Variants in PBRM1 observed in about 807,000 individuals in gnomAD.
PBRM1 encodes the protein protein polybromo-1.
Under a neutral mutation model 194.5 loss-of-function variants are expected in PBRM1, and 27 were observed. The observed-to-expected ratio is 0.14, with a 90% CI of 0.10 to 0.19. The LOEUF is 0.19. Among genes scored for constraint, PBRM1 ranks in the 10% least tolerant of loss-of-function variants. The pLI is 1.00. For synonymous variants in PBRM1, 655 were observed against 693.2 expected (o/e 0.94, Z 0.87); for missense variants, 1,466 against 2,077.2 (o/e 0.71, Z 5.72).
intron 3 of PBRM1, among the ~76,000 whole-genome samples, chr3:52,663,791 G>A (rs2096773508): frequency 6.6e-6 from 1 of 151,534 alleles, no homozygotes; most frequent in African/African-American, 2.4e-5. Context: ...CAGGCGTGGT[G>A]GCTCACGCCT....
intron 2 of PBRM1, among the ~76,000 whole-genome samples, chr3:52,674,290 T>C (rs1005811687): frequency 1.3e-5 from 2 of 151,486 alleles, no homozygotes; most frequent in Non-Finnish European, 2.9e-5. Context: ...GAGACCAGCC[T>C]GACCAACATA....
At chr3:52,651,689 C>A in intron 6 of PBRM1, 53 bp downstream of exon 7, 1 of 1,028,548 alleles carries the variant, frequency 9.7e-7, no homozygotes, top group Non-Finnish European at 1.5e-6. Context: ...TAGGAAAGAT[C>A]ATAGGCCAAT....
intron 27 of PBRM1, among the ~76,000 whole-genome samples, chr3:52,553,708 C>T (rs1444235982): frequency 6.9e-6 from 1 of 144,346 alleles, no homozygotes; most frequent in East Asian, 2.0e-4. Context: ...GTCGCCCAGG[C>T]TGGAGTGTAG....
intron 15 of PBRM1, among the ~76,000 whole-genome samples, chr3:52,611,532 T>C (rs1469105990): frequency 6.6e-6 from 1 of 152,104 alleles, no homozygotes; most frequent in African/African-American, 2.4e-5. Context: ...GGCCAGGAGC[T>C]GTGGCTCATG....
chr3:52,663,433 A>C (rs2096766838), intron 3 of PBRM1, among the ~76,000 whole-genome samples: 1 of 152,204 alleles, frequency 6.6e-6, no homozygotes, highest in African/African-American at 2.4e-5. Context: ...CACTGAGAGG[A>C]GAGGAGAGGC....
chr3:52,560,879 G>A (rs2083360721), intron 25 of PBRM1, among the ~76,000 whole-genome samples: 1 of 151,684 alleles, frequency 6.6e-6, no homozygotes, highest in South Asian at 2.1e-4. Context: ...AAAAGGGGCA[G>A]CCTAAATAAT....
chr3:52,569,465 T>A (rs1490465454), intron 22 of PBRM1, among the ~76,000 whole-genome samples: 1 of 151,924 alleles, frequency 6.6e-6, no homozygotes, highest in Non-Finnish European at 1.5e-5. Flanking sequence ...CCGCCTTGGC[T>A]TCCCAAAGTG....
At chr3:52,629,549 G>T (rs1428830136) in intron 11 of PBRM1, among the ~76,000 whole-genome samples, 3 of 152,214 alleles carry the variant, frequency 2.0e-5, no homozygotes, top group African/African-American at 4.8e-5. Context: ...GATGGTAAAA[G>T]AGAGATAGAT....
intron 10 of PBRM1, among the ~76,000 whole-genome samples, chr3:52,641,545 T>C (rs1372039761): frequency 6.7e-6 from 1 of 148,594 alleles, no homozygotes; most frequent in Non-Finnish European, 1.5e-5. Flanking sequence ...AAAAAATCTA[T>C]AGTAAAGGGG....
At chr3:52,654,567 C>G (rs2096571822) in intron 5 of PBRM1, among the ~76,000 whole-genome samples, 1 of 152,142 alleles carries the variant, frequency 6.6e-6, no homozygotes, top group South Asian at 2.1e-4. Flanking sequence ...AACTGTCACA[C>G]CCTGAGAGAC....
chr3:52,652,405 T>C (rs550123619), intron 5 of PBRM1, among the ~76,000 whole-genome samples: 25 of 137,646 alleles, frequency 1.8e-4, no homozygotes, highest in Admixed American at 1.7e-3. Flanking sequence ...AAAAAAATTC[T>C]AGGCAGGGCA....
intron 25 of PBRM1, among the ~76,000 whole-genome samples, chr3:52,561,163 A>C (rs577259705): frequency 1.6e-4 from 24 of 152,358 alleles, no homozygotes; most frequent in Non-Finnish European, 2.9e-5. Context: ...ATGGCTAAGA[A>C]CCACCAAATT....
chr3:52,660,225 C>T (rs559716333), intron 4 of PBRM1, among the ~76,000 whole-genome samples: 1 of 152,130 alleles, frequency 6.6e-6, no homozygotes, highest in Admixed American at 6.6e-5. Flanking sequence ...TTGACTAGAG[C>T]CCTGAAGGCC....
intron 4 of PBRM1, 97 bp from the exon 6 acceptor site, chr3:52,658,412 C>CTTTT: frequency 1.1e-5 from 5 of 445,158 alleles, no homozygotes; most frequent in East Asian, 4.0e-5. Context: ...AAAACAGCAA[C>CTTTT]TTTTTTTTTT....
chr3:52,651,184 C>G (rs1184286431), intron 6 of PBRM1, among the ~76,000 whole-genome samples: 1 of 152,140 alleles, frequency 6.6e-6, no homozygotes, highest in African/African-American at 2.4e-5. Flanking sequence ...AGGTACATAG[C>G]AAGTCTATGT....
At chr3:52,630,858 C>A (rs1447551459) in intron 11 of PBRM1, among the ~76,000 whole-genome samples, 2 of 152,110 alleles carry the variant, frequency 1.3e-5, no homozygotes, top group African/African-American at 4.8e-5. Flanking sequence ...GGGGACTGAG[C>A]TGGCTAAGAA....
intron 7 of PBRM1, among the ~76,000 whole-genome samples, chr3:52,647,637 T>C (rs1170221444): frequency 6.6e-6 from 1 of 151,692 alleles, no homozygotes; most frequent in Non-Finnish European, 1.5e-5. Flanking sequence ...AGTAGAATAT[T>C]ATTCCGCAAT....
At chr3:52,642,163 A>G in intron 9 of PBRM1, 118 bp from the exon 11 acceptor site, 1 of 676,720 alleles carries the variant, frequency 1.5e-6, no homozygotes, top group Non-Finnish European at 2.6e-6. Context: ...TTTCTATTCA[A>G]TTGCCTCCTT....
intron 17 of PBRM1, among the ~76,000 whole-genome samples, chr3:52,596,351 T>C (rs1422440048): frequency 1.4e-5 from 2 of 142,580 alleles, no homozygotes; most frequent in Non-Finnish European, 3.0e-5. Context: ...GGCAGGAGAA[T>C]TGCTTGAACC....
Sources: gnomAD v4.1 joint callset for allele counts (sites outside exome capture counted in the v4.1 genomes callset) on GRCh38, gnomAD v4.1.1 for gene constraint, MANE v1.5 for transcripts, NCBI Gene and HGNC (gene_info 2026-07-23, HGNC 2026-07-21) for gene names.